The following TSHZ3 variants were observed in gnomAD, a reference collection of about 807,000 sequenced individuals.
TSHZ3 encodes the protein teashirt homolog 3.
A neutral mutation model predicts 64.5 loss-of-function variants in TSHZ3; 10 were observed. The ratio of observed to expected loss-of-function variants is 0.16; its 90% CI spans 0.10 to 0.26. The LOEUF is 0.26. TSHZ3 is among the 10% of genes least tolerant of loss of function. The pLI, the probability that TSHZ3 is intolerant of heterozygous loss-of-function variation, is 1.00. For synonymous variants in TSHZ3, 608 were observed against 593.1 expected (o/e 1.03, Z -0.36); for missense variants, 1,242 against 1,421.7 (o/e 0.87, Z 2.03).
intron 1 of TSHZ3, among the ~76,000 whole-genome samples, chr19:31,301,108 C>CA (rs1017015827): frequency 9.2e-5 from 14 of 151,914 alleles, no homozygotes; most frequent in Admixed American, 5.9e-4. Context: ...TTTTTCCCCC[C>CA]TCGGCTACAA....
intron 5 of TSHZ3, among the ~76,000 whole-genome samples, chr19:31,168,745 A>G (rs1434430088): frequency 6.6e-6 from 1 of 152,144 alleles, no homozygotes; most frequent in East Asian, 1.9e-4. Flanking sequence ...GCCTTTCAGT[A>G]TACCTTGGCC....
At chr19:31,208,586 G>A (rs1451324039) in intron 4 of TSHZ3, among the ~76,000 whole-genome samples, 2 of 152,216 alleles carry the variant, frequency 1.3e-5, no homozygotes, top group African/African-American at 4.8e-5. Flanking sequence ...AGTGAGTGTA[G>A]CAATACCTAA....
intron 1 of TSHZ3, among the ~76,000 whole-genome samples, chr19:31,331,080 C>G (rs1453777850): frequency 1.3e-5 from 2 of 152,132 alleles, no homozygotes; most frequent in Admixed American, 1.3e-4. Flanking sequence ...GAAAGGGATA[C>G]CCCCTCCTTC....
At chr19:31,154,573 T>C (rs1353395141) in intron 6 of TSHZ3, among the ~76,000 whole-genome samples, 1 of 152,158 alleles carries the variant, frequency 6.6e-6, no homozygotes, top group Non-Finnish European at 1.5e-5. Flanking sequence ...ATGGAGTTTA[T>C]TGGGTGAAAA....
chr19:31,331,008 C>T lies in TSHZ3; in HGVS notation c.40+18172G>A, dbSNP rs115622670. 2.4e-3 allele frequency among the ~76,000 whole-genome samples: 369 copies of T among 152,342 alleles called. 3 individuals carry two copies. The highest frequency in any genetic ancestry group is 8.3e-3 in the African/African-American group (347 of 41,586). On this transcript the variant is annotated intron_variant, in intron 1 of 1. Transcript: ENST00000240587. ...CCAGGCAAATTCTAGCAAAGACGGG[C>T]TTCCTAAAATCTCCCTTCTACATGA...
intron 6 of TSHZ3, among the ~76,000 whole-genome samples, chr19:31,154,174 C>G (rs1187613255): frequency 6.6e-6 from 1 of 152,176 alleles, no homozygotes; most frequent in Non-Finnish European, 1.5e-5. Flanking sequence ...GCAGAGCTAC[C>G]CAGCAGAGCC....
chr19:31,210,769 A>G (rs1975252029), intron 4 of TSHZ3, among the ~76,000 whole-genome samples: 1 of 152,224 alleles, frequency 6.6e-6, no homozygotes, highest in African/African-American at 2.4e-5. Flanking sequence ...AACAACCTTA[A>G]GTAATGTGCC....
intron 1 of TSHZ3, among the ~76,000 whole-genome samples, chr19:31,301,853 G>T (rs930178406): frequency 1.3e-5 from 2 of 152,034 alleles, no homozygotes; most frequent in African/African-American, 4.8e-5. Context: ...CACACCAAAG[G>T]CCCCTCATAC....
intron 1 of TSHZ3, among the ~76,000 whole-genome samples, chr19:31,297,079 T>C (rs1204118678): frequency 2.0e-5 from 3 of 152,172 alleles, no homozygotes; most frequent in Non-Finnish European, 4.4e-5. Flanking sequence ...CCAGGGGGCA[T>C]AGCACCCCTA....
At chr19:31,229,958 T>G (rs751538462) in intron 3 of TSHZ3, among the ~76,000 whole-genome samples, 20 of 152,308 alleles carry the variant, frequency 1.3e-4, no homozygotes, top group Middle Eastern at 3.4e-3. Context: ...AGGATGATCC[T>G]AAAGTGATAC....
At chr19:31,150,419 C>T (rs1457466672) in exon 7 of TSHZ3, among the ~76,000 whole-genome samples, 1 of 152,228 alleles carries the variant, frequency 6.6e-6, no homozygotes, top group African/African-American at 2.4e-5. Context: ...CAAAGGACAA[C>T]CAGTGCATCA....
chr19:31,214,350 G>T (rs115123060), intron 4 of TSHZ3, among the ~76,000 whole-genome samples: 1 of 152,292 alleles, frequency 6.6e-6, no homozygotes, highest in African/African-American at 2.4e-5. Flanking sequence ...GAGGGCCTGC[G>T]CCAGCCAAGA....
At chr19:31,263,584 G>C (rs933290557) in intron 1 of TSHZ3, among the ~76,000 whole-genome samples, 1 of 152,204 alleles carries the variant, frequency 6.6e-6, no homozygotes, top group African/African-American at 2.4e-5. Context: ...GGGACTTCCT[G>C]CATGGGGCCA....
At chr19:31,303,500 C>A (rs1282490846) in intron 1 of TSHZ3, among the ~76,000 whole-genome samples, 1 of 152,068 alleles carries the variant, frequency 6.6e-6, no homozygotes, top group Non-Finnish European at 1.5e-5. Context: ...GGGGCCTGCA[C>A]AGGGCCCATC....
At chr19:31,241,333 A>G (rs1975686030) in intron 3 of TSHZ3, among the ~76,000 whole-genome samples, 1 of 152,200 alleles carries the variant, frequency 6.6e-6, no homozygotes, top group African/African-American at 2.4e-5. Flanking sequence ...CAAATTAAGA[A>G]TAGTTCTTAT....
At chr19:31,207,827 G>A (rs991941451) in intron 4 of TSHZ3, among the ~76,000 whole-genome samples, 1 of 152,140 alleles carries the variant, frequency 6.6e-6, no homozygotes, top group African/African-American at 2.4e-5. Flanking sequence ...TGCAGTGGTG[G>A]AGAAAAGAAT....
rs149969531 is a variant in TSHZ3, at chr19:31,328,717, G to C, written c.40+20463C>G. Among the ~76,000 whole-genome samples, 43 of 152,242 alleles carry C rather than the reference G, an allele frequency of 2.8e-4. No homozygotes were observed. In the East Asian group the frequency reaches 8.1e-3, roughly 29 times the overall value. On this transcript the variant is annotated intron_variant, in intron 1 of 1. Transcript: ENST00000240587. ...GTTTTCTTCTTTAGGTAAGGGTCAG[G>C]CCTAGATGGTATATAAACTCCAAAC...
intron 4 of TSHZ3, among the ~76,000 whole-genome samples, chr19:31,217,595 G>A (rs894359011): frequency 2.0e-5 from 3 of 151,982 alleles, no homozygotes; most frequent in Middle Eastern, 3.2e-3. Flanking sequence ...CTCCATTATC[G>A]ACAGCCCCCA....
intron 5 of TSHZ3, among the ~76,000 whole-genome samples, chr19:31,180,862 G>A (rs1249228349): frequency 6.6e-6 from 1 of 152,122 alleles, no homozygotes; most frequent in Non-Finnish European, 1.5e-5. Context: ...GCTGGGGCAG[G>A]CATGTAATTC....
Sources: gnomAD v4.1 joint callset for allele counts (sites outside exome capture counted in the v4.1 genomes callset) on GRCh38, gnomAD v4.1.1 for gene constraint, MANE v1.5 for transcripts, NCBI Gene and HGNC (gene_info 2026-07-23, HGNC 2026-07-21) for gene names.